The following FOXJ3 variants were observed in gnomAD, a reference collection of about 807,000 sequenced individuals.
The protein encoded by FOXJ3 is forkhead box J3, also known as forkhead box protein J3.
FOXJ3 carries 22 observed loss-of-function variants against 76.1 expected under a neutral mutation model. That is an observed-to-expected ratio of 0.29 (90% CI 0.21 to 0.41). The LOEUF (loss-of-function observed/expected upper bound fraction) is 0.41, where lower values mean the gene tolerates loss of function less well. Among genes scored for constraint, FOXJ3 ranks in the 10% least tolerant of loss-of-function variants. The pLI is 1.00. For synonymous variants in FOXJ3, 269 were observed against 261.2 expected (o/e 1.03, Z -0.29); for missense variants, 613 against 762.1 (o/e 0.80, Z 2.30).
At chr1:42,310,965 T>C in intron 2 of FOXJ3, 85 bp downstream of exon 2, 1 of 786,064 alleles carries the variant, frequency 1.3e-6, no homozygotes, top group African/African-American at 1.8e-5. Context: ...GAATCTCACC[T>C]TCAAATTCAT....
At chr1:42,303,133 A>G (rs1654258244) in intron 2 of FOXJ3, among the ~76,000 whole-genome samples, 1 of 152,210 alleles carries the variant, frequency 6.6e-6, no homozygotes, top group Non-Finnish European at 1.5e-5. Context: ...GCCTGAAATT[A>G]CAATAAATAC....
chr1:42,332,510 A>T (rs1292588772), intron 1 of FOXJ3, among the ~76,000 whole-genome samples: 5 of 152,184 alleles, frequency 3.3e-5, no homozygotes, highest in Non-Finnish European at 7.3e-5. Context: ...TCAGACCCTC[A>T]TCAGCTTATT....
intron 1 of FOXJ3, chr1:42,323,975 A>G (rs1438981184): frequency 1.3e-5 from 2 of 150,016 alleles, no homozygotes; most frequent in Non-Finnish European, 3.0e-5. Context: ...TATTTCACTG[A>G]CCTGAATGAT....
chr1:42,309,370 A>G (rs977877988), intron 2 of FOXJ3, among the ~76,000 whole-genome samples: 5 of 152,214 alleles, frequency 3.3e-5, no homozygotes, highest in Non-Finnish European at 7.3e-5. Flanking sequence ...ACTACCACTT[A>G]TCCAATATAT....
chr1:42,327,838 G>C (rs1346527226), intron 1 of FOXJ3, among the ~76,000 whole-genome samples: 6 of 152,196 alleles, frequency 3.9e-5, no homozygotes. Flanking sequence ...AATTCCGTTA[G>C]AACTTTTTGT....
chr1:42,305,325 G>T (rs1654391659), intron 2 of FOXJ3, among the ~76,000 whole-genome samples: 1 of 152,122 alleles, frequency 6.6e-6, no homozygotes, highest in African/African-American at 2.4e-5. Context: ...CAACCACTAT[G>T]GTGAACAGTT....
intron 5 of FOXJ3, among the ~76,000 whole-genome samples, chr1:42,226,607 C>CA (rs767192118): frequency 0.016 from 2,215 of 141,922 alleles, 24 homozygotes; most frequent in Non-Finnish European, 0.023. Context: ...GACTCCATCT[C>CA]AAAAAAAAAA....
chr1:42,282,832 CA>C (rs1043507829), intron 2 of FOXJ3, among the ~76,000 whole-genome samples: 10 of 152,230 alleles, frequency 6.6e-5, no homozygotes, highest in African/African-American at 2.2e-4. Context: ...AGTATAAATA[CA>C]CCTATCACAG....
In FOXJ3 at chr1:42,255,701, A is replaced by C. The variant is rs1303003060; in HGVS notation, c.444+9414T>G. ...TGGAATGGCTAAATTAGTATCAGAC[A>C]AAGTAGGCTTCAGGACAAAGAGCAT... is the stretch of plus-strand genomic sequence containing the variant. On this transcript the variant is annotated intron_variant, in intron 4 of 12. Transcript: ENST00000361346. Among the ~76,000 whole-genome samples, 4 of 152,242 alleles carry C rather than the reference A, an allele frequency of 2.6e-5. No homozygotes were observed. In the East Asian group the frequency reaches 7.7e-4, roughly 29 times the overall value.
At chr1:42,199,761 G>A (rs1399182808) in intron 6 of FOXJ3, among the ~76,000 whole-genome samples, 1 of 151,728 alleles carries the variant, frequency 6.6e-6, no homozygotes, top group Non-Finnish European at 1.5e-5. Context: ...GCTAATATAT[G>A]CATTAGATGT....
intron 5 of FOXJ3, among the ~76,000 whole-genome samples, chr1:42,214,670 T>C (rs1159128723): frequency 6.6e-6 from 1 of 152,160 alleles, no homozygotes; most frequent in African/African-American, 2.4e-5. Flanking sequence ...GTGGGTGAAT[T>C]TCCTGTTTTG....
intron 3 of FOXJ3, among the ~76,000 whole-genome samples, chr1:42,267,295 A>G (rs911251428): frequency 3.9e-5 from 6 of 152,152 alleles, no homozygotes; most frequent in Non-Finnish European, 8.8e-5. Flanking sequence ...AGGTGGGCAG[A>G]GACAACTAAA....
intron 7 of FOXJ3, among the ~76,000 whole-genome samples, chr1:42,197,037 GAC>G (rs1646664715): frequency 6.6e-6 from 1 of 151,994 alleles, no homozygotes; most frequent in Admixed American, 6.6e-5. Context: ...TTTCAGGAAA[GAC>G]ACATGAAAAC....
At chr1:42,186,680 C>T (rs935575613) in intron 11 of FOXJ3, among the ~76,000 whole-genome samples, 2 of 152,156 alleles carry the variant, frequency 1.3e-5, no homozygotes, top group African/African-American at 4.8e-5. Context: ...TGCCTGGGTA[C>T]TCTGACAGAG....
At position 42,230,899 on chromosome 1, in the gene FOXJ3, T is replaced by G. The variant is rs560623421; in HGVS notation, c.445-2933A>C. Among the ~76,000 whole-genome samples the G allele has an allele frequency of 2.4e-4, 37 of 152,300 alleles. No homozygotes were observed. In the South Asian group the frequency reaches 2.7e-3, roughly 11 times the overall value. On this transcript the variant is annotated intron_variant, in intron 4 of 12. Transcript: ENST00000361346. ...AGGAACTCAAGTATTTTAACACCCATGTTCATAGTAATATTACTCACAACA... is the reference window on the plus strand; with the variant it reads ...AGGAACTCAAGTATTTTAACACCCAGGTTCATAGTAATATTACTCACAACA...
At chr1:42,205,941 A>G in intron 5 of FOXJ3, 78 bp from the exon 6 acceptor site, 1 of 761,870 alleles carries the variant, frequency 1.3e-6, no homozygotes, top group South Asian at 1.8e-5. Context: ...GGATCTCATC[A>G]AATTCTTGAA....
intron 2 of FOXJ3, among the ~76,000 whole-genome samples, chr1:42,297,024 G>C (rs1292673092): frequency 6.6e-6 from 1 of 151,992 alleles, no homozygotes; most frequent in African/African-American, 2.4e-5. Flanking sequence ...TCACCTCCTT[G>C]GTTAAATGTA....
chr1:42,191,620 T>C lies in FOXJ3; in HGVS notation c.1034A>G (p.Asn345Ser), dbSNP rs116478516. Reference protein sequence around the residue: ...SSTVSTHPHSNQSSLSNSHGS... With the variant: ...SSTVSTHPHSSQSSLSNSHGS... ...ATGACTGTTGGACAGGCTGCTTTGG[T>C]TGCTGTGTGGGTGAGTGCTCACTGT... The change falls in exon 9 of 13, where the codon AAC becomes AGC. Residue 345 changes from asparagine (N) to serine (S), a missense_variant. Physicochemically the swap from Asn to Ser is conservative, Grantham distance 46 (BLOSUM62 1). This residue lies in a region of FOXJ3 where 526 missense variants were observed against 601.4 expected (regional missense o/e 0.87). Coordinates refer to ENST00000361346, the MANE Select transcript of FOXJ3 (RefSeq NM_014947.5). 9 of 1,614,194 alleles carry C rather than the reference T, an allele frequency of 5.6e-6. No homozygotes were observed. The African/African-American group carries it at 9.3e-5, about 17-fold the overall frequency.
chr1:42,262,667 G>A (rs904313990), intron 4 of FOXJ3, among the ~76,000 whole-genome samples: 45 of 152,054 alleles, frequency 3.0e-4, no homozygotes, highest in African/African-American at 1.1e-3. Context: ...TGGCCAAGAT[G>A]GTGAAACCCC....
Sources: gnomAD v4.1 joint callset for allele counts (sites outside exome capture counted in the v4.1 genomes callset) on GRCh38, gnomAD v4.1.1 for gene constraint, gnomAD v4.1.1 regional missense constraint, MANE v1.5 for transcripts, NCBI Gene and HGNC (gene_info 2026-07-23, HGNC 2026-07-21) for gene names.